The following ARMC3 variants were observed in gnomAD, a reference collection of about 807,000 sequenced individuals.
ARMC3 encodes armadillo repeat-containing protein 3.
Under a neutral mutation model 90.3 loss-of-function variants are expected in ARMC3, and 74 were observed. That is an observed-to-expected ratio of 0.82 (90% CI 0.68 to 0.99). The LOEUF (loss-of-function observed/expected upper bound fraction) is 0.99, where lower values mean the gene tolerates loss of function less well. Among genes scored for constraint, ARMC3 ranks in the 50% least tolerant of loss-of-function variants. The pLI, the probability that ARMC3 is intolerant of heterozygous loss-of-function variation, is 0.00. For synonymous variants in ARMC3, 334 were observed against 361.8 expected, an observed-to-expected ratio of 0.92 and a Z score of 0.87; for missense variants, 958 against 1,042.8, an observed-to-expected ratio of 0.92 and a Z score of 1.12.
At chr10:22,961,832 T>C in intron 6 of ARMC3, 52 bp from the exon 7 acceptor site, 2 of 1,405,214 alleles carry the variant, frequency 1.4e-6, no homozygotes, top group South Asian at 2.8e-5. Context: ...TCTCCATTCT[T>C]GAGGATGTAT....
chr10:22,968,432 A>G lies in ARMC3; in HGVS notation c.859A>G (p.Thr287Ala). The change falls in exon 8 of 19, where the codon ACA (threonine) becomes GCA (alanine). Residue 287 changes from threonine (T) to alanine (A), a missense_variant. Coordinates refer to ENST00000298032, the MANE Select transcript of ARMC3 (RefSeq NM_173081.5). ...KKLLSFAENS[T>A]IPDIQKNAAK... is the part of the protein sequence containing the mutation. ...GCTCCTGTCATTTGCAGAAAACTCT[A>G]CAATTCCTGATATTCAGAAGAATGC... 1 of 1,611,806 alleles carries G rather than the reference A, an allele frequency of 6.2e-7. No individual in the cohort carries two copies. Among genetic ancestry groups the G allele is most frequent in the Middle Eastern group, 1.7e-4 (1 of 6,028 alleles).
chr10:22,958,176 T>TA (rs1313405307), intron 4 of ARMC3, among the ~76,000 whole-genome samples: 6 of 152,220 alleles, frequency 3.9e-5, no homozygotes, highest in Non-Finnish European at 7.3e-5. Context: ...TGCAGGTGGT[T>TA]AGTAGTGGAA....
chr10:22,994,101 A>G (rs1836839548), intron 10 of ARMC3, among the ~76,000 whole-genome samples: 1 of 152,256 alleles, frequency 6.6e-6, no homozygotes, highest in African/African-American at 2.4e-5. Context: ...TATTTAGCAC[A>G]CAAATGCTCT....
rs771817142 is a variant in ARMC3, at chr10:22,998,332, G to A, written c.1360G>A (p.Val454Ile). 1.9e-6 allele frequency: 3 copies of A among 1,613,700 alleles called. No homozygotes were observed. The highest frequency in any genetic ancestry group is 2.5e-6 in the Non-Finnish European group (3 of 1,179,884). Residue 454 changes from valine (V) to isoleucine (I), a missense_variant, in exon 11 of 19, where the codon GTC becomes ATC. By Grantham distance (29) the Val-to-Ile change is conservative. Coordinates refer to ENST00000298032, the MANE Select transcript of ARMC3 (RefSeq NM_173081.5). ...IISPLRSANT[V>I]VQSKAALAVT... The stretch of plus-strand genomic sequence containing the variant: ...CAGCCCACTGCGTTCTGCAAACACA[G>A]TCGTGCAGAGCAAAGCTGCTCTCGC...
Position 22,996,780 on chromosome 10 carries a change from C to T in ARMC3, c.1176-1368C>T, listed in dbSNP as rs1306168966. On this transcript the variant is annotated intron_variant, in intron 10 of 18. Transcript: ENST00000298032. ...GTCTCTTTATGGAGATTTCATTTACCTCCTCTCTGATGGATAATTGTCATA... is the reference window on the plus strand; with the variant it reads ...GTCTCTTTATGGAGATTTCATTTACTTCCTCTCTGATGGATAATTGTCATA... Among the ~76,000 whole-genome samples, 4 of 152,232 alleles carry T rather than the reference C, an allele frequency of 2.6e-5. No individual in the cohort carries two copies. The East Asian group carries it at 7.7e-4, about 29-fold the overall frequency.
intron 4 of ARMC3, 112 bp from the exon 5 acceptor site, chr10:22,958,956 CAA>C (rs1835073009): frequency 1.2e-6 from 1 of 827,126 alleles, no homozygotes; most frequent in Non-Finnish European, 2.0e-6. Context: ...CTCCTGACCT[CAA>C]GTGATTCACC....
At chr10:22,976,531 C>G (rs1179188493) in intron 8 of ARMC3, among the ~76,000 whole-genome samples, 1 of 152,224 alleles carries the variant, frequency 6.6e-6, no homozygotes, top group East Asian at 1.9e-4. Context: ...GATTGTTCTT[C>G]AAATTACCAG....
At chr10:22,929,796 C>T (rs1833861464) in intron 1 of ARMC3, among the ~76,000 whole-genome samples, 1 of 152,146 alleles carries the variant, frequency 6.6e-6, no homozygotes, top group Non-Finnish European at 1.5e-5. Context: ...GGTGATCCAC[C>T]CGCCTCAGCC....
intron 3 of ARMC3, among the ~76,000 whole-genome samples, chr10:22,948,639 G>A (rs17440393): frequency 0.18 from 28,078 of 151,836 alleles, 2,721 homozygotes; most frequent in South Asian, 0.22. Context: ...AGACAATAAA[G>A]GGCAGTGACC....
chr10:22,967,815 T>A (rs1835505217), intron 7 of ARMC3, among the ~76,000 whole-genome samples: 1 of 152,192 alleles, frequency 6.6e-6, no homozygotes, highest in Non-Finnish European at 1.5e-5. Flanking sequence ...CTTTTGGGAT[T>A]TCCCGTTTAC....
rs554724694 is a variant in ARMC3 at position 22,967,058 on chromosome 10, CAAAA to C, written c.733-1247_733-1244del. ...TGTGATTTTGGAGGCTTGGCAAGTC[CAAAA>C]TCCACAGGTTAGACCAGTAGGCTGA... On this transcript the variant is annotated intron_variant, in intron 7 of 18. Transcript: ENST00000298032. Among the ~76,000 whole-genome samples, 14 of 152,180 alleles carry C rather than the reference CAAAA, an allele frequency of 9.2e-5. 1 individual carries two copies. The South Asian group carries it at 2.9e-3, about 32-fold the overall frequency.
Position 22,964,372 on chromosome 10 carries a change from C to G in ARMC3, c.732+2294C>G, listed in dbSNP as rs148358584. On this transcript the variant is annotated intron_variant, in intron 7 of 18. Coordinates refer to ENST00000298032, the MANE Select transcript of ARMC3 (RefSeq NM_173081.5). ...GATTATTGATTTGGTTATAGTTAAG[C>G]TTCCCATTTATATTTGTCTGATCTG... Among the ~76,000 whole-genome samples the G allele has an allele frequency of 4.6e-3, 695 of 151,710 alleles. 8 individuals carry two copies. The highest frequency in any genetic ancestry group is 0.016 in the African/African-American group (662 of 41,368).
Position 22,975,585 on chromosome 10 carries a change from G to A in ARMC3, c.917-5755G>A, listed in dbSNP as rs187651438. 2.0e-5 allele frequency among the ~76,000 whole-genome samples: 3 copies of A among 152,146 alleles called. No individual in the cohort carries two copies. In the South Asian group the frequency reaches 6.2e-4, roughly 32 times the overall value. On this transcript the variant is annotated intron_variant, in intron 8 of 18. Transcript: ENST00000298032. ...CATCTCAAAAAAACAAAAATGAAAA[G>A]CTTATCTATGAAGATTGCTTTTGTA...
Position 23,005,854 on chromosome 10 carries a change from A to G in ARMC3, c.1732-1030A>G, listed in dbSNP as rs370873127. On this transcript the variant is annotated intron_variant, in intron 13 of 18. Coordinates refer to ENST00000298032, the MANE Select transcript of ARMC3 (RefSeq NM_173081.5). ...ACTCCAGCCTGGGCAACAGAGCTAG[A>G]CTCCATCTCAAAAAAGGGGGAAAAA... Among the ~76,000 whole-genome samples the G allele has an allele frequency of 1.9e-4, 29 of 151,318 alleles. No homozygotes were observed. The East Asian group carries it at 5.2e-3, about 27-fold the overall frequency.
chr10:22,937,055 G>A (rs2464636), intron 2 of ARMC3, among the ~76,000 whole-genome samples: 28,549 of 151,706 alleles, frequency 0.19, 3,351 homozygotes, highest in East Asian at 0.45. Context: ...GGCATACACC[G>A]CCATACCCGG....
intron 16 of ARMC3, chr10:23,014,154 G>A (rs1722339666): frequency 6.5e-7 from 1 of 1,536,872 alleles, no homozygotes. Context: ...TAAGAGGATT[G>A]TTGGCATGAG....
chr10:23,008,682 G>C (rs1403572381), intron 15 of ARMC3, 133 bp from the exon 16 acceptor site: 8 of 777,836 alleles, frequency 1.0e-5, no homozygotes, highest in Non-Finnish European at 1.6e-5. Flanking sequence ...CATGGGGAAA[G>C]GAATCAAGTT....
Position 23,003,390 on chromosome 10 carries a change from C to G in ARMC3, c.1707C>G (p.Asn569Lys). 1 of 1,608,872 alleles carries G rather than the reference C, an allele frequency of 6.2e-7. No individual in the cohort carries two copies. ...ATTTGTCATCAAGTAACATAATTAA[C>G]GATGGATTCTATGATTATGGTCGGG... ...TGYLSSSNII[N>K]DGFYDYGRIN... The change falls in exon 13 of 19, where the codon AAC (asparagine) becomes AAG (lysine). Residue 569 changes from asparagine (N) to lysine (K), a missense_variant. Physicochemically the swap from Asn to Lys is moderately conservative, Grantham distance 94 (BLOSUM62 0). Transcript: ENST00000298032.
At chr10:23,031,151 T>A (rs1194753048) in intron 17 of ARMC3, 1 of 186,676 alleles carries the variant, frequency 5.4e-6, no homozygotes, top group Non-Finnish European at 1.1e-5. Context: ...GTTAAAGGAA[T>A]CCTACTGTGA....
Sources: allele counts gnomAD v4.1 joint callset (sites outside exome capture counted in the v4.1 genomes callset), GRCh38; gene constraint gnomAD v4.1.1; transcripts MANE v1.5; gene names NCBI Gene and HGNC (gene_info 2026-07-23, HGNC 2026-07-21).